Variants in ATAD2B observed in about 807,000 individuals in gnomAD.
ATAD2B encodes the protein ATPase family AAA domain-containing protein 2B.
A neutral mutation model predicts 167.6 loss-of-function variants in ATAD2B; 40 were observed. That is an observed-to-expected ratio of 0.24 (90% CI 0.19 to 0.31). The LOEUF is 0.31. ATAD2B is among the 10% of genes least tolerant of loss of function. ATAD2B has a pLI of 1.00. For missense variants in ATAD2B, 1,242 were observed against 1,757.2 expected, an observed-to-expected ratio of 0.71 and a Z score of 5.24; for synonymous variants, 579 against 596.5, an observed-to-expected ratio of 0.97 and a Z score of 0.43.
intron 22 of ATAD2B, among the ~76,000 whole-genome samples, chr2:23,774,878 C>A (rs1471984274): frequency 6.6e-6 from 1 of 151,954 alleles, no homozygotes; most frequent in African/African-American, 2.4e-5. Context: ...CCAGCCTGGG[C>A]AACAAGAGCA....
intron 13 of ATAD2B, among the ~76,000 whole-genome samples, chr2:23,848,136 G>C (rs1209680616): frequency 1.3e-5 from 2 of 152,048 alleles, no homozygotes; most frequent in Non-Finnish European, 2.9e-5. Flanking sequence ...GAGAGCACCA[G>C]AAATGGTAAG....
At chr2:23,908,578 G>A (rs1204737661) in intron 1 of ATAD2B, among the ~76,000 whole-genome samples, 1 of 152,164 alleles carries the variant, frequency 6.6e-6, no homozygotes, top group Non-Finnish European at 1.5e-5. Context: ...AGTCAGTGTG[G>A]CGATTCCTCA....
At position 23,837,257 on chromosome 2, in the gene ATAD2B, A is replaced by C. The variant is rs1572975607; in HGVS notation, c.1569-3179T>G. Among the ~76,000 whole-genome samples, 3 of 152,322 alleles carry C rather than the reference A, an allele frequency of 2.0e-5. No individual in the cohort carries two copies. In the East Asian group the frequency reaches 5.8e-4, roughly 29 times the overall value. On this transcript the variant is annotated intron_variant, in intron 13 of 27. Coordinates refer to ENST00000238789, the MANE Select transcript of ATAD2B (RefSeq NM_017552.4). ...CAGGCTTGGCCCCAATCTTGCTCCA[A>C]GATCGGAGCAGGCGCAGGAGTGGGG...
intron 18 of ATAD2B, among the ~76,000 whole-genome samples, chr2:23,807,058 G>A (rs55707417): frequency 0.1 from 15,597 of 152,208 alleles, 890 homozygotes; most frequent in Middle Eastern, 0.17. Flanking sequence ...AGATGACACT[G>A]TGAAGTATTC....
chr2:23,700,365 A>C, the ATAD2B span, among the ~76,000 whole-genome samples: 1 of 152,230 alleles, frequency 6.6e-6, no homozygotes, highest in African/African-American at 2.4e-5. This position sits in a 1 kb window ranked among gnomAD's most constrained non-coding sequence, Gnocchi z 4.6. Context: ...ATCCATACTC[A>C]AAATTCATCA....
intron 22 of ATAD2B, among the ~76,000 whole-genome samples, chr2:23,772,618 C>A (rs145519546): frequency 1.3e-5 from 2 of 150,022 alleles, no homozygotes; most frequent in African/African-American, 2.5e-5. Context: ...CTAAATTAAG[C>A]AAGAAAAAAG....
intron 13 of ATAD2B, among the ~76,000 whole-genome samples, chr2:23,841,744 A>C (rs1284866026): frequency 6.6e-6 from 1 of 152,116 alleles, no homozygotes; most frequent in Non-Finnish European, 1.5e-5. Flanking sequence ...TCAAACTCCT[A>C]GGCTCAAGCA....
chr2:23,782,782 T>C, intron 22 of ATAD2B, 87 bp downstream of exon 22: 1 of 1,154,890 alleles, frequency 8.7e-7, no homozygotes, highest in Non-Finnish European at 1.2e-6. Flanking sequence ...AAATTATCTA[T>C]CTAGAACACA....
intron 10 of ATAD2B, 46 bp from the exon 11 acceptor site, chr2:23,864,970 T>G: frequency 8.8e-7 from 1 of 1,130,978 alleles, no homozygotes; most frequent in Non-Finnish European, 1.2e-6. Context: ...TTTTATATGT[T>G]TTATAGAATT....
At chr2:23,770,031 C>T (rs1006014624) in intron 22 of ATAD2B, among the ~76,000 whole-genome samples, 3 of 151,500 alleles carry the variant, frequency 2.0e-5, no homozygotes, top group Admixed American at 6.6e-5. Flanking sequence ...TGAGGTTGAC[C>T]GGACACAGTA....
intron 16 of ATAD2B, 68 bp from the exon 17 acceptor site, chr2:23,819,950 T>C (rs1687201488): frequency 1.7e-6 from 2 of 1,160,850 alleles, no homozygotes; most frequent in East Asian, 2.6e-5. Context: ...CTACCAAAGC[T>C]AAGAAAAATT....
At chr2:23,818,590 G>T (rs1686966897) in intron 17 of ATAD2B, among the ~76,000 whole-genome samples, 1 of 151,976 alleles carries the variant, frequency 6.6e-6, no homozygotes, top group Admixed American at 6.6e-5. Context: ...AACAAGAAAG[G>T]GTTATCAATG....
At chr2:23,786,646 G>A (rs1363389282) in intron 20 of ATAD2B, among the ~76,000 whole-genome samples, 1 of 152,082 alleles carries the variant, frequency 6.6e-6, no homozygotes, top group Non-Finnish European at 1.5e-5. Context: ...ACGTCATTAT[G>A]CAGCGCATGA....
At chr2:23,730,880 CA>C in the ATAD2B span, among the ~76,000 whole-genome samples, 7 of 148,970 alleles carry the variant, frequency 4.7e-5, no homozygotes, top group Admixed American at 1.3e-4. Flanking sequence ...GTAACAATAC[CA>C]AAAAAATCCT....
intron 13 of ATAD2B, among the ~76,000 whole-genome samples, chr2:23,857,026 G>C (rs569809333): frequency 1.3e-5 from 2 of 151,410 alleles, no homozygotes; most frequent in Non-Finnish European, 2.9e-5. Context: ...CTAGGCAAGA[G>C]AGCAAGAACT....
intron 26 of ATAD2B, 145 bp downstream of exon 26, chr2:23,754,502 T>G: frequency 8.6e-7 from 1 of 1,168,624 alleles, no homozygotes. Context: ...CTCCTTAAAA[T>G]ACACATAACT....
At chr2:23,875,602 T>C (rs566050284) in intron 8 of ATAD2B, among the ~76,000 whole-genome samples, 44 of 151,876 alleles carry the variant, frequency 2.9e-4, no homozygotes, top group African/African-American at 1.0e-3. Flanking sequence ...GTGCTTCAAA[T>C]GAAAGCAATA....
At position 23,834,006 on chromosome 2, in the gene ATAD2B, A is replaced by G. The variant is rs200008134; in HGVS notation, c.1641T>C (p.Ala547=). Residue 547 remains alanine, a synonymous_variant, in exon 14 of 28, where the codon GCT becomes GCC. Transcript: ENST00000238789. ...DNRGEIVVIG[A]TNRLDSIDPA... ...GATCTATAGAGTCAAGTCTGTTTGTAGCACCAATAACAACAATTTCACCCC... is the reference window on the plus strand; with the variant it reads ...GATCTATAGAGTCAAGTCTGTTTGTGGCACCAATAACAACAATTTCACCCC... 465 of 1,612,994 alleles carry G rather than the reference A, an allele frequency of 2.9e-4. No individual in the cohort carries two copies. Among genetic ancestry groups the G allele is most frequent in the Non-Finnish European group, 3.6e-4 (426 of 1,179,232 alleles).
intron 19 of ATAD2B, among the ~76,000 whole-genome samples, chr2:23,791,639 T>G (rs1681748066): frequency 6.6e-6 from 1 of 152,232 alleles, no homozygotes; most frequent in Non-Finnish European, 1.5e-5. Context: ...ATAAAAGGAA[T>G]TATACAAAAT....
Sources: allele counts gnomAD v4.1 joint callset (sites outside exome capture counted in the v4.1 genomes callset), GRCh38; gene constraint gnomAD v4.1.1; non-coding constraint Gnocchi (gnomAD v3.1); transcripts MANE v1.5; gene names NCBI Gene and HGNC (gene_info 2026-07-23, HGNC 2026-07-21).